Variants in TMEM121 observed in about 807,000 individuals in gnomAD.
TMEM121 encodes transmembrane protein 121, also known as transmembrane protein 121A.
A neutral mutation model predicts 16.4 loss-of-function variants in TMEM121; 8 were observed. The ratio of observed to expected loss-of-function variants is 0.49; its 90% CI spans 0.29 to 0.88. TMEM121 has a LOEUF of 0.88. Among genes scored for constraint, TMEM121 ranks in the 40% least tolerant of loss-of-function variants. The probability of loss-of-function intolerance (pLI) is 0.09; values close to 1 mark genes in which losing one functional copy is unlikely to be tolerated. For missense variants in TMEM121, 401 were observed against 462.0 expected, an observed-to-expected ratio of 0.87 and a Z score of 1.21; for synonymous variants, 235 against 226.2, an observed-to-expected ratio of 1.04 and a Z score of -0.35.
rs1277784407 is a variant in TMEM121, at chr14:105,529,029, C to T, written c.195C>T (p.Ala65=). The T allele has an allele frequency of 6.2e-7, 1 of 1,612,184 alleles. No homozygotes were observed. The highest frequency in any genetic ancestry group is 1.7e-5 in the Admixed American group (1 of 59,978). The stretch of plus-strand genomic sequence containing the variant: ...GCTACGTGGCCGTGTGGGTGGGCGC[C>T]GAGGTGCGCACGGCCAAGCGCGGCT... The part of the protein sequence containing the change: ...VLRYVAVWVG[A]EVRTAKRGYA... The change falls in exon 2 of 2, where the codon GCC becomes GCT. Residue 65 remains alanine (A), a synonymous_variant. Transcript: ENST00000392519.
chr14:105,529,666 G>T lies in TMEM121; in HGVS notation c.832G>T (p.Ala278Ser). ...RRQVRDFPPP[A>S]LSLELQPPPP... ...CCAGGTGCGCGACTTCCCGCCGCCT[G>T]CGCTATCACTGGAGCTGCAGCCGCC... The change falls in exon 2 of 2, where the codon GCG becomes TCG. Residue 278 changes from alanine (A) to serine (S), a missense_variant. By Grantham distance (99) the Ala-to-Ser change is moderately conservative. Transcript: ENST00000392519. 6.4e-7 allele frequency: 1 copy of T among 1,570,968 alleles called. No homozygotes were observed.
At position 105,529,618 on chromosome 14, in the gene TMEM121, T is replaced by G; in HGVS notation, c.784T>G (p.Cys262Gly). 6.3e-7 allele frequency: 1 copy of G among 1,580,226 alleles called. No individual in the cohort carries two copies. The highest frequency in any genetic ancestry group is 8.5e-7 in the Non-Finnish European group (1 of 1,171,738). ...CGTGGTGGCGCTCGCCACCAAGGCC[T>G]GCACCTTCCTGGAGTACCGCCGCCA... Reference protein sequence around the residue: ...KNVVALATKACTFLEYRRQVR... With the variant: ...KNVVALATKAGTFLEYRRQVR... Residue 262 changes from cysteine (C) to glycine (G), a missense_variant, in exon 2 of 2, where the codon TGC (cysteine) becomes GGC (glycine). Physicochemically the swap from Cys to Gly is radical, Grantham distance 159. Transcript: ENST00000392519.
Position 105,528,740 on chromosome 14 carries a change from C to T in TMEM121, c.-95C>T, listed in dbSNP as rs2084610422. The T allele has an allele frequency of 1.8e-6, 2 of 1,130,046 alleles. No individual in the cohort carries two copies. The highest frequency in any genetic ancestry group is 4.3e-5 in the South Asian group (1 of 23,170). The allele number at this position is 1,130,046 out of a possible 1,614,324, so 70.0% of individuals were successfully genotyped here. On this transcript the variant is annotated 5_prime_UTR_variant, in exon 2 of 2. Transcript: ENST00000392519. ...TCCCCAGGTTTCGAGCTCGCCGGGC[C>T]GTGTCGCGCCATGCCCGCTGGCTGA...
At position 105,528,782 on chromosome 14, in the gene TMEM121, T is replaced by A; in HGVS notation, c.-53T>A. On this transcript the variant is annotated 5_prime_UTR_variant, in exon 2 of 2. Coordinates refer to ENST00000392519, the MANE Select transcript of TMEM121 (RefSeq NM_025268.4). The stretch of plus-strand genomic sequence containing the variant: ...GCTGGCTGAGCGCCGCAGGGCCTCG[T>A]CCCGCCAGGCGTGGGGGCCGCGCGC... The A allele has an allele frequency of 6.3e-6, 8 of 1,274,724 alleles. No individual in the cohort carries two copies. The highest frequency in any genetic ancestry group is 6.9e-6 in the Non-Finnish European group (7 of 1,016,936). The allele number at this position is 1,274,724 out of a possible 1,614,324, so 79.0% of individuals were successfully genotyped here. A position where few individuals can be genotyped will look rare whatever the true frequency, so the allele number is the denominator to read the frequency against.
At position 105,530,038 on chromosome 14, in the gene TMEM121, AGAGCAGAGGT is replaced by A; in HGVS notation, c.*247_*256del. 2.1e-6 allele frequency: 1 copy of A among 465,408 alleles called. No individual in the cohort carries two copies. Among genetic ancestry groups the A allele is most frequent in the Non-Finnish European group, 3.8e-6 (1 of 263,260 alleles). The allele number at this position is 465,408 out of a possible 1,614,324, so 28.8% of individuals were successfully genotyped here. On this transcript the variant is annotated 3_prime_UTR_variant, in exon 2 of 2. Transcript: ENST00000392519. The stretch of plus-strand genomic sequence containing the variant: ...CTGTTTGGGAGGCCTGGGCCGGAGC[AGAGCAGAGGT>A]GATCCGGCCCCTGCCTGCTGGGCCG...
rs1430908412 is a variant in TMEM121 at position 105,529,980 on chromosome 14, C to A, written c.*186C>A. 6.9e-6 allele frequency: 4 copies of A among 578,288 alleles called. No individual in the cohort carries two copies. Among genetic ancestry groups the A allele is most frequent in the Admixed American group, 4.3e-5 (1 of 23,492 alleles). 35.8% of individuals were successfully genotyped at this position (578,288 alleles called of 1,614,324 possible). A position where few individuals can be genotyped will look rare whatever the true frequency, so the allele number is the denominator to read the frequency against. On this transcript the variant is annotated 3_prime_UTR_variant, in exon 2 of 2. Coordinates refer to ENST00000392519, the MANE Select transcript of TMEM121 (RefSeq NM_025268.4). ...ATCTCTCGGACCGCGGATCCTCAGC[C>A]CCCGCTCCACCAGCCCGCCCCAGCG...
intron 1 of TMEM121, among the ~76,000 whole-genome samples, chr14:105,527,832 C>T (rs372939755): frequency 2.6e-4 from 39 of 151,768 alleles, no homozygotes; most frequent in East Asian, 1.6e-3. Context: ...CCATTGTCAC[C>T]CAGGTGTGCA....
chr14:105,528,443 C>T (rs2084606634), intron 1 of TMEM121, among the ~76,000 whole-genome samples: 3 of 152,154 alleles, frequency 2.0e-5, no homozygotes, highest in African/African-American at 7.2e-5. Flanking sequence ...CCCCCGGGCT[C>T]CGGGAACGAG....
chr14:105,528,718 C>T lies in TMEM121; in HGVS notation c.-113-4C>T. Reference sequence around the variant, plus strand: ...CCTGATCTTGTCTCCTCCGGTCTCCCCAGGTTTCGAGCTCGCCGGGCCGTG... The same window carrying T: ...CCTGATCTTGTCTCCTCCGGTCTCCTCAGGTTTCGAGCTCGCCGGGCCGTG... On this transcript the variant is annotated splice_region_variant and splice_polypyrimidine_tract_variant and intron_variant, in intron 1 of 1. Coordinates refer to ENST00000392519, the MANE Select transcript of TMEM121 (RefSeq NM_025268.4). The T allele has an allele frequency of 9.7e-7, 1 of 1,031,672 alleles. No individual in the cohort carries two copies. Among genetic ancestry groups the T allele is most frequent in the Non-Finnish European group, 1.2e-6 (1 of 832,704 alleles). The allele number at this position is 1,031,672 out of a possible 1,614,324, so 63.9% of individuals were successfully genotyped here.
chr14:105,528,580 T>C (rs746197098), intron 1 of TMEM121, 142 bp from the exon 2 acceptor site: 18 of 216,386 alleles, frequency 8.3e-5, no homozygotes, highest in African/African-American at 7.9e-5. Flanking sequence ...GGTTCGCGCA[T>C]GGGCGCAGGC....
chr14:105,528,611 C>T (rs1259179875), intron 1 of TMEM121, 111 bp from the exon 2 acceptor site: 16 of 305,026 alleles, frequency 5.2e-5, no homozygotes, highest in Non-Finnish European at 8.6e-5. Context: ...CCTCGGGGCC[C>T]CGGCGCGGAG....
chr14:105,529,056 C>T lies in TMEM121; in HGVS notation c.222C>T (p.Tyr74=). ...AGGTGCGCACGGCCAAGCGCGGCTA[C>T]GCCATGATCCTGTGGTTCCTTTACA... ...GAEVRTAKRG[Y]AMILWFLYIF... The change falls in exon 2 of 2, where the codon TAC becomes TAT. Residue 74 remains tyrosine (Y), a synonymous_variant. Transcript: ENST00000392519. 2 of 1,612,458 alleles carry T rather than the reference C, an allele frequency of 1.2e-6. No individual in the cohort carries two copies. Among genetic ancestry groups the T allele is most frequent in the Non-Finnish European group, 1.7e-6 (2 of 1,179,784 alleles).
Position 105,529,552 on chromosome 14 carries a change from T to C in TMEM121, c.718T>C (p.Phe240Leu). Residue 240 changes from phenylalanine (F) to leucine (L), a missense_variant, in exon 2 of 2, where the codon TTC becomes CTC. Phe to Leu is a conservative substitution (Grantham distance 22). Transcript: ENST00000392519. The part of the protein sequence containing the change: ...VLARAANMAL[F>L]RDSRVSAIFV... ...GGCGCGCGCCGCCAACATGGCGCTG[T>C]TCCGGGACAGCCGTGTCTCGGCCAT... The C allele has an allele frequency of 6.5e-7, 1 of 1,547,298 alleles. No homozygotes were observed. Among genetic ancestry groups the C allele is most frequent in the Non-Finnish European group, 8.7e-7 (1 of 1,150,762 alleles).
chr14:105,530,076 C>G lies in TMEM121; in HGVS notation c.*282C>G. On this transcript the variant is annotated 3_prime_UTR_variant, in exon 2 of 2. Coordinates refer to ENST00000392519, the MANE Select transcript of TMEM121 (RefSeq NM_025268.4). Reference sequence around the variant, plus strand: ...TCCGGCCCCTGCCTGCTGGGCCGCCCGGGTTGGAAGGGAGGGCAGTGTGGG... The same window carrying G: ...TCCGGCCCCTGCCTGCTGGGCCGCCGGGGTTGGAAGGGAGGGCAGTGTGGG... 2 of 412,316 alleles carry G rather than the reference C, an allele frequency of 4.9e-6. No homozygotes were observed. Among genetic ancestry groups the G allele is most frequent in the South Asian group, 1.5e-4 (2 of 13,566 alleles). The allele number at this position is 412,316 out of a possible 1,614,324, so 25.5% of individuals were successfully genotyped here.
Position 105,528,781 on chromosome 14 carries a change from G to A in TMEM121, c.-54G>A. ...CGCTGGCTGAGCGCCGCAGGGCCTC[G>A]TCCCGCCAGGCGTGGGGGCCGCGCG... On this transcript the variant is annotated 5_prime_UTR_variant, in exon 2 of 2. Transcript: ENST00000392519. The A allele has an allele frequency of 7.9e-7, 1 of 1,272,614 alleles. No individual in the cohort carries two copies. Among genetic ancestry groups the A allele is most frequent in the Non-Finnish European group, 9.8e-7 (1 of 1,015,618 alleles). 78.8% of individuals were successfully genotyped at this position (1,272,614 alleles called of 1,614,324 possible).
Position 105,528,745 on chromosome 14 carries a change from C to T in TMEM121, c.-90C>T. The T allele has an allele frequency of 8.7e-7, 1 of 1,145,368 alleles. No homozygotes were observed. Among genetic ancestry groups the T allele is most frequent in the Middle Eastern group, 3.6e-4 (1 of 2,806 alleles). 71.0% of individuals were successfully genotyped at this position (1,145,368 alleles called of 1,614,324 possible). A position where few individuals can be genotyped will look rare whatever the true frequency, so the allele number is the denominator to read the frequency against. On this transcript the variant is annotated 5_prime_UTR_variant, in exon 2 of 2. Coordinates refer to ENST00000392519, the MANE Select transcript of TMEM121 (RefSeq NM_025268.4). ...AGGTTTCGAGCTCGCCGGGCCGTGT[C>T]GCGCCATGCCCGCTGGCTGAGCGCC...
chr14:105,527,036 G>C (rs960390996), intron 1 of TMEM121: 4 of 152,776 alleles, frequency 2.6e-5, no homozygotes, highest in African/African-American at 9.7e-5. Context: ...CGCGGGGCGT[G>C]GGGGGAGGAG....
chr14:105,527,428 G>C (rs942312094), intron 1 of TMEM121: 2 of 144,828 alleles, frequency 1.4e-5, no homozygotes, highest in East Asian at 4.2e-4. Flanking sequence ...TCCAGTGGAC[G>C]TGAAAACCGG....
Position 105,529,191 on chromosome 14 carries a change from G to A in TMEM121, c.357G>A (p.Val119=), listed in dbSNP as rs371735414. Residue 119 remains valine (V), a synonymous_variant, in exon 2 of 2, where the codon GTG becomes GTA. Transcript: ENST00000392519. ...ARKALTLLLS[V]CVPGLFLLLV... Reference sequence around the variant, plus strand: ...AGGCGCTGACGCTGCTGCTGTCTGTGTGTGTGCCCGGCCTGTTCCTGCTGC... The same window carrying A: ...AGGCGCTGACGCTGCTGCTGTCTGTATGTGTGCCCGGCCTGTTCCTGCTGC... 4.9e-4 allele frequency: 781 copies of A among 1,584,096 alleles called. No individual in the cohort carries two copies. The highest frequency in any genetic ancestry group is 6.2e-4 in the Non-Finnish European group (727 of 1,167,814).
Sources: gnomAD v4.1 joint callset for allele counts (sites outside exome capture counted in the v4.1 genomes callset) on GRCh38, gnomAD v4.1.1 for gene constraint, MANE v1.5 for transcripts, NCBI Gene and HGNC (gene_info 2026-07-23, HGNC 2026-07-21) for gene names.